Variants in AIMP1 observed in about 807,000 individuals in gnomAD.
The protein encoded by AIMP1 is aminoacyl tRNA synthetase complex interacting multifunctional protein 1.
AIMP1 carries 24 observed loss-of-function variants against 33.1 expected under a neutral mutation model. The observed-to-expected ratio is 0.73, with a 90% CI of 0.53 to 1.02. The LOEUF (loss-of-function observed/expected upper bound fraction) is 1.02. Ranked by LOEUF, AIMP1 falls within the 50% of genes least tolerant of loss-of-function variation. The pLI, the probability that AIMP1 is intolerant of heterozygous loss-of-function variation, is 0.00. For missense variants in AIMP1, 367 were observed against 364.8 expected, an observed-to-expected ratio of 1.01 and a Z score of -0.05; for synonymous variants, 120 against 121.5, an observed-to-expected ratio of 0.99 and a Z score of 0.08.
At chr4:106,346,999 C>T (rs111631914) in intron 6 of AIMP1, among the ~76,000 whole-genome samples, 8 of 152,010 alleles carry the variant, frequency 5.3e-5, no homozygotes, top group African/African-American at 1.9e-4. Context: ...AAAGCAAGAG[C>T]GAGCATCTTA....
At chr4:106,328,440 A>G (rs968182133) in intron 4 of AIMP1, among the ~76,000 whole-genome samples, 197 bp downstream of exon 4, 2 of 152,170 alleles carry the variant, frequency 1.3e-5, no homozygotes, top group Non-Finnish European at 2.9e-5. Context: ...TTAACGGGGT[A>G]AAAATGTGGC....
intron 6 of AIMP1, 44 bp from the exon 7 acceptor site, chr4:106,347,482 A>T (rs766454757): frequency 1.3e-6 from 2 of 1,568,502 alleles, no homozygotes; most frequent in Non-Finnish European, 1.7e-6. Flanking sequence ...ATATTTTTGT[A>T]TATTAGCTGT....
chr4:106,328,105 C>A lies in AIMP1; in HGVS notation c.253C>A (p.Pro85Thr), dbSNP rs377235344. Residue 85 changes from proline to threonine, a missense_variant, in exon 4 of 7, where the codon CCA becomes ACA. By Grantham distance (38) the Pro-to-Thr change is conservative. Transcript: ENST00000672341. ...GCAAATACCATTTCCATCTGGTACT[C>A]CACTGCACGCTAATTCTATGGTTTC... is the stretch of plus-strand genomic sequence containing the variant. ...VKQIPFPSGTPLHANSMVSEN... is the reference protein window; with the variant it reads ...VKQIPFPSGTTLHANSMVSEN... 14 of 1,613,166 alleles carry A rather than the reference C, an allele frequency of 8.7e-6. No individual in the cohort carries two copies. Among genetic ancestry groups the A allele is most frequent in the Non-Finnish European group, 1.2e-5 (14 of 1,179,510 alleles).
chr4:106,345,496 C>T (rs966043751), intron 6 of AIMP1, among the ~76,000 whole-genome samples: 1 of 152,006 alleles, frequency 6.6e-6, no homozygotes, highest in Non-Finnish European at 1.5e-5. Flanking sequence ...TATAATTGAA[C>T]TTTATTTATG....
At chr4:106,329,772 C>CCTTTTTTTTT (rs1554000880) in intron 4 of AIMP1, among the ~76,000 whole-genome samples, 2 of 53,062 alleles carry the variant, frequency 3.8e-5, no homozygotes, top group Non-Finnish European at 7.5e-5. Context: ...TGCTACATAT[C>CCTTTTTTTTT]TTTTTTTTTT....
intron 6 of AIMP1, among the ~76,000 whole-genome samples, chr4:106,346,659 A>G (rs1770312545): frequency 6.6e-6 from 1 of 152,172 alleles, no homozygotes; most frequent in Non-Finnish European, 1.5e-5. Context: ...ATTCTCCAGT[A>G]TTGATAAGAA....
At chr4:106,337,625 A>G (rs1438214636) in intron 6 of AIMP1, among the ~76,000 whole-genome samples, 3 of 152,226 alleles carry the variant, frequency 2.0e-5, no homozygotes, top group Admixed American at 6.5e-5. Context: ...AGACTAATAC[A>G]GTAAATTGAT....
At chr4:106,346,547 A>T (rs1419164951) in intron 6 of AIMP1, among the ~76,000 whole-genome samples, 1 of 152,128 alleles carries the variant, frequency 6.6e-6, no homozygotes, top group Non-Finnish European at 1.5e-5. Flanking sequence ...TCCCTGTCTC[A>T]TTACTCCTTT....
In AIMP1 at chr4:106,328,187, A is replaced by G. The variant is rs759181191; in HGVS notation, c.335A>G (p.Gln112Arg). ...ACCGTATCTTCTGGTACCAAAGAAC[A>G]GATAAAAGGAGGAACAGGAGACGAA... ...VTTVSSGTKEQIKGGTGDEKK... is the reference protein window; with the variant it reads ...VTTVSSGTKERIKGGTGDEKK... The change falls in exon 4 of 7, where the codon CAG becomes CGG. Residue 112 changes from glutamine to arginine, a missense_variant. Transcript: ENST00000672341. The G allele has an allele frequency of 4.3e-6, 7 of 1,613,126 alleles. No individual in the cohort carries two copies. The highest frequency in any genetic ancestry group is 5.9e-6 in the Non-Finnish European group (7 of 1,179,318).
intron 6 of AIMP1, among the ~76,000 whole-genome samples, chr4:106,337,257 C>T (rs986804246): frequency 3.3e-5 from 5 of 152,142 alleles, no homozygotes; most frequent in Non-Finnish European, 7.4e-5. Flanking sequence ...TTGTATAAAA[C>T]ACCTGATATG....
chr4:106,320,826 T>C (rs147232944), intron 1 of AIMP1, among the ~76,000 whole-genome samples: 25,486 of 152,066 alleles, frequency 0.17, 2,179 homozygotes, highest in South Asian at 0.25. Context: ...GCCACCATCT[T>C]GACTCACTGC....
intron 1 of AIMP1, 103 bp from the exon 2 acceptor site, chr4:106,324,882 A>T: frequency 1.1e-6 from 1 of 902,242 alleles, no homozygotes; most frequent in Non-Finnish European, 1.6e-6. Context: ...TTTATCTATT[A>T]CAGTAGAAAA....
At chr4:106,331,589 T>A in intron 4 of AIMP1, 83 bp from the exon 5 acceptor site, 1 of 1,206,510 alleles carries the variant, frequency 8.3e-7, no homozygotes, top group Non-Finnish European at 1.2e-6. Context: ...TTAAGCTCAT[T>A]GGTATGGATA....
rs1024609917 is a variant in AIMP1, at chr4:106,348,596, G to A, written c.*904G>A. On this transcript the variant is annotated 3_prime_UTR_variant, in exon 7 of 7. Coordinates refer to ENST00000672341, the MANE Select transcript of AIMP1 (RefSeq NM_001142416.2). ...ATATACCATACATATATATTAAGGT[G>A]TCAAATAGCTATTCTCACTCATCTT... 6.6e-6 allele frequency: 1 copy of A among 152,036 alleles called. No homozygotes were observed. Among genetic ancestry groups the A allele is most frequent in the African/African-American group, 2.4e-5 (1 of 41,400 alleles). 9.4% of individuals were successfully genotyped at this position (152,036 alleles called of 1,614,324 possible).
At chr4:106,326,551 A>T (rs1769459125) in intron 2 of AIMP1, among the ~76,000 whole-genome samples, 1 of 152,114 alleles carries the variant, frequency 6.6e-6, no homozygotes, top group South Asian at 2.1e-4. Context: ...CATACATTAT[A>T]TTTTGAGCAA....
intron 1 of AIMP1, among the ~76,000 whole-genome samples, chr4:106,323,381 C>T (rs1195938103): frequency 1.3e-5 from 2 of 151,846 alleles, no homozygotes; most frequent in Non-Finnish European, 2.9e-5. Context: ...CTGTCTAGAA[C>T]TGTTGGCTTA....
intron 4 of AIMP1, among the ~76,000 whole-genome samples, chr4:106,328,764 A>G (rs1432574804): frequency 6.6e-6 from 1 of 152,178 alleles, no homozygotes; most frequent in Non-Finnish European, 1.5e-5. Flanking sequence ...CCTGTTCTTC[A>G]TATCTAATTA....
At chr4:106,327,594 C>T in intron 3 of AIMP1, 30 bp downstream of exon 3, 21 of 1,549,174 alleles carry the variant, frequency 1.4e-5, no homozygotes, top group Non-Finnish European at 1.8e-5. Context: ...TTGAGTAATC[C>T]AGAAGTTAAG....
Position 106,349,159 on chromosome 4 carries a change from A to G in AIMP1, c.*1467A>G, listed in dbSNP as rs1180105649. The G allele has an allele frequency of 3.9e-5, 6 of 152,106 alleles. No homozygotes were observed. Among genetic ancestry groups the G allele is most frequent in the African/African-American group, 1.4e-4 (6 of 41,446 alleles). 9.4% of individuals were successfully genotyped at this position (152,106 alleles called of 1,614,324 possible). A position where few individuals can be genotyped will look rare whatever the true frequency, so the allele number is the denominator to read the frequency against. On this transcript the variant is annotated 3_prime_UTR_variant, in exon 7 of 7. Transcript: ENST00000672341. The stretch of plus-strand genomic sequence containing the variant: ...ATTGTTGGTACCTAAACACAAAATG[A>G]ATTTCAAAAGTTACTTTGTTCTCAA...
Sources: allele counts gnomAD v4.1 joint callset (sites outside exome capture counted in the v4.1 genomes callset), GRCh38; gene constraint gnomAD v4.1.1; transcripts MANE v1.5; gene names NCBI Gene and HGNC (gene_info 2026-07-23, HGNC 2026-07-21).